NUB1: variants seen among roughly 807,000 people sequenced by gnomAD.
NUB1 encodes NEDD8 ultimate buster 1.
Under a neutral mutation model 77.1 loss-of-function variants are expected in NUB1, and 41 were observed. The observed-to-expected ratio is 0.53, with a 90% confidence interval of 0.41 to 0.69. The LOEUF is 0.69. NUB1 is among the 30% of genes least tolerant of loss of function. The probability of loss-of-function intolerance (pLI) is 0.00; values close to 1 mark genes in which losing one functional copy is unlikely to be tolerated. For missense variants in NUB1, 643 were observed against 743.8 expected (o/e 0.86, Z 1.58); for synonymous variants, 257 against 281.0 (o/e 0.91, Z 0.85).
At chr7:151,364,629 A>G (rs1361295229) in intron 8 of NUB1, among the ~76,000 whole-genome samples, 1 of 151,814 alleles carries the variant, frequency 6.6e-6, no homozygotes, top group Non-Finnish European at 1.5e-5. Flanking sequence ...GGTTCAAGCA[A>G]TTCTCCCACC....
At chr7:151,343,632 C>T (rs895106817) in intron 1 of NUB1, among the ~76,000 whole-genome samples, 3 of 152,192 alleles carry the variant, frequency 2.0e-5, no homozygotes, top group African/African-American at 7.2e-5. Context: ...AGCCGCCTCA[C>T]TCACCTTTGA....
At chr7:151,374,608 T>C (rs1285305200) in intron 12 of NUB1, 1 of 296,256 alleles carries the variant, frequency 3.4e-6, no homozygotes, top group Non-Finnish European at 6.4e-6. Context: ...TGTTTGGCAT[T>C]AAAATTTTAA....
rs769932747 is a variant in NUB1 at position 151,376,696 on chromosome 7, C to T, written c.1554C>T (p.Asn518=). The T allele has an allele frequency of 4.3e-6, 7 of 1,610,096 alleles. No homozygotes were observed. Among genetic ancestry groups the T allele is most frequent in the South Asian group, 2.2e-5 (2 of 90,306 alleles). ...CTGCGCTGAGAGTGTTCAGAGGCAACGTCCAGCTGGCCGCCCAGACCCTTG... is the reference window on the plus strand; with the variant it reads ...CTGCGCTGAGAGTGTTCAGAGGCAATGTCCAGCTGGCCGCCCAGACCCTTG... ...AEAALRVFRG[N]VQLAAQTLAH... is the part of the protein sequence containing the mutation. The change falls in exon 14 of 15, where the codon AAC becomes AAT. Residue 518 remains asparagine (N), a synonymous_variant. Transcript: ENST00000568733.
Position 151,351,500 on chromosome 7 carries a change from C to G in NUB1, c.344+18C>G, listed in dbSNP as rs770087630. The G allele has an allele frequency of 6.2e-7, 1 of 1,601,928 alleles. No individual in the cohort carries two copies. Among genetic ancestry groups the G allele is most frequent in the Non-Finnish European group, 8.5e-7 (1 of 1,170,174 alleles). ...AGGTCCAAGTAAGTATCTGTGTGCT[C>G]TGTGTCCTAGGTGCTCTGGGCCTTT... On this transcript the variant is annotated intron_variant, in intron 4 of 14. Coordinates refer to ENST00000568733, the MANE Select transcript of NUB1 (RefSeq NM_001243351.2).
chr7:151,368,980 A>T, intron 11 of NUB1, 93 bp downstream of exon 11: 1 of 1,289,004 alleles, frequency 7.8e-7, no homozygotes, highest in Non-Finnish European at 1.0e-6. Flanking sequence ...ACTCTTTATT[A>T]CTCCAGATTG....
intron 6 of NUB1, 29 bp downstream of exon 6, chr7:151,355,979 C>T (rs1797045928): frequency 6.2e-7 from 1 of 1,609,150 alleles, no homozygotes; most frequent in Non-Finnish European, 8.5e-7. Context: ...TTGTCACCCA[C>T]TCAGCTGCTT....
Position 151,353,494 on chromosome 7 carries a change from A to G in NUB1, c.415+612A>G, listed in dbSNP as rs553632640. Among the ~76,000 whole-genome samples, 111 of 152,268 alleles carry G rather than the reference A, an allele frequency of 7.3e-4. 4 individuals carry two copies. The South Asian group carries it at 0.023, about 31-fold the overall frequency. ...GGCTAGGGATGCTGCTGAATGTGCA[A>G]TGCCCAGAACAGGCCCCACAACAAA... On this transcript the variant is annotated intron_variant, in intron 5 of 14. Coordinates refer to ENST00000568733, the MANE Select transcript of NUB1 (RefSeq NM_001243351.2).
chr7:151,343,503 C>T (rs571065366), intron 1 of NUB1, among the ~76,000 whole-genome samples: 1 of 152,164 alleles, frequency 6.6e-6, no homozygotes, highest in East Asian at 1.9e-4. Flanking sequence ...ATATTTTTTC[C>T]ACTCTCTAGA....
intron 2 of NUB1, 77 bp from the exon 3 acceptor site, chr7:151,348,996 G>T: frequency 1.5e-6 from 2 of 1,351,014 alleles, no homozygotes; most frequent in Non-Finnish European, 2.1e-6. Flanking sequence ...GATGGCCTTA[G>T]AGTCTTTCAT....
At chr7:151,363,961 T>G (rs2150693811) in intron 8 of NUB1, among the ~76,000 whole-genome samples, 1 of 151,578 alleles carries the variant, frequency 6.6e-6, no homozygotes, top group East Asian at 2.0e-4. Flanking sequence ...TCCCGACTAG[T>G]TTTTGTATTT....
chr7:151,377,259 A>G lies in NUB1; in HGVS notation c.*34A>G, dbSNP rs769468400. ...CAGAAATAGCGCTAATTTTCTGCTT[A>G]TAAATGCTATCATTATGAAAAGGCT... is the stretch of plus-strand genomic sequence containing the variant. On this transcript the variant is annotated 3_prime_UTR_variant, in exon 15 of 15. Coordinates refer to ENST00000568733, the MANE Select transcript of NUB1 (RefSeq NM_001243351.2). 1 of 1,380,246 alleles carries G rather than the reference A, an allele frequency of 7.2e-7. No homozygotes were observed. Among genetic ancestry groups the G allele is most frequent in the Non-Finnish European group, 9.8e-7 (1 of 1,021,852 alleles). 85.5% of individuals were successfully genotyped at this position (1,380,246 alleles called of 1,614,324 possible).
At chr7:151,348,920 C>T (rs1318877543) in intron 2 of NUB1, among the ~76,000 whole-genome samples, 153 bp from the exon 3 acceptor site, 1 of 152,130 alleles carries the variant, frequency 6.6e-6, no homozygotes, top group Non-Finnish European at 1.5e-5. Context: ...AAACTCCACA[C>T]CTCTCAAGAT....
chr7:151,362,442 A>G (rs984010323), intron 8 of NUB1, among the ~76,000 whole-genome samples: 4 of 152,240 alleles, frequency 2.6e-5, no homozygotes, highest in African/African-American at 9.6e-5. Flanking sequence ...TTCTCCAAGT[A>G]AGCTAGAAGT....
chr7:151,342,123 G>A (rs1796240724), intron 1 of NUB1, among the ~76,000 whole-genome samples: 3 of 152,242 alleles, frequency 2.0e-5, no homozygotes, highest in Admixed American at 6.5e-5. Flanking sequence ...GTATCGGTTT[G>A]GGGAGAGAAA....
chr7:151,370,921 A>G (rs1190139125), intron 11 of NUB1, among the ~76,000 whole-genome samples: 4 of 152,222 alleles, frequency 2.6e-5, no homozygotes, highest in Non-Finnish European at 5.9e-5. Context: ...ACTATAGTTC[A>G]TAAAACATTG....
At chr7:151,367,263 T>C (rs1797735022) in intron 9 of NUB1, 138 bp downstream of exon 9, 11 of 671,076 alleles carry the variant, frequency 1.6e-5, no homozygotes, top group Non-Finnish European at 1.7e-5. Flanking sequence ...TTTTAAACTA[T>C]ATATTTATAA....
At chr7:151,351,232 C>G in intron 3 of NUB1, 192 bp from the exon 4 acceptor site, 1 of 570,544 alleles carries the variant, frequency 1.8e-6, no homozygotes, top group Non-Finnish European at 3.1e-6. Flanking sequence ...CTGCCGCCCC[C>G]TTGAGGACGT....
chr7:151,367,190 T>A, intron 9 of NUB1, 65 bp downstream of exon 9: 1 of 1,364,464 alleles, frequency 7.3e-7, no homozygotes, highest in South Asian at 1.3e-5. Flanking sequence ...TTTATTCCTG[T>A]TAAAGTATTT....
intron 11 of NUB1, among the ~76,000 whole-genome samples, chr7:151,371,363 A>ACCCCC (rs57489077): frequency 1.7e-5 from 2 of 118,770 alleles, no homozygotes; most frequent in Admixed American, 9.0e-5. Flanking sequence ...TTTTACCCCC[A>ACCCCC]CCCCCCACCC....
Sources: allele counts gnomAD v4.1 joint callset (sites outside exome capture counted in the v4.1 genomes callset), GRCh38; gene constraint gnomAD v4.1.1; transcripts MANE v1.5; gene names NCBI Gene and HGNC (gene_info 2026-07-23, HGNC 2026-07-21).